LRRC9: variants seen among roughly 807,000 people sequenced by gnomAD.
LRRC9 encodes leucine rich repeat containing 9.
In LRRC9, 122 loss-of-function variants were observed where a neutral mutation model predicts 63.2. The ratio of observed to expected loss-of-function variants is 1.93; its 90% confidence interval spans 1.67 to 2.24. The LOEUF is 2.24. LRRC9 is among the 30% of genes most tolerant of loss of function. The pLI is 0.00. For missense variants in LRRC9, 1,071 were observed against 627.7 expected (o/e 1.71, Z -7.55); for synonymous variants, 366 against 213.1 (o/e 1.72, Z -6.25).
At chr14:59,998,371 A>G (rs1889015662) in intron 18 of LRRC9, among the ~76,000 whole-genome samples, 1 of 152,040 alleles carries the variant, frequency 6.6e-6, no homozygotes, top group Non-Finnish European at 1.5e-5. Flanking sequence ...TTGCATTATA[A>G]AGTCTTATGT....
Position 60,060,120 on chromosome 14 carries a change from T to C in LRRC9, c.4276+2098T>C, listed in dbSNP as rs1413266491. On this transcript the variant is annotated intron_variant, in intron 31 of 31. Coordinates refer to ENST00000445360, the Ensembl canonical transcript of LRRC9. The surrounding 1 kb of genome is among the most constrained non-coding windows in gnomAD (Gnocchi z 4.0). ...AAACTCCTAGGGCTCTTAAGAATTA[T>C]GCTAAATCTACTTTGTCTATGCTCT... Among the ~76,000 whole-genome samples, 1 of 152,234 alleles carries C rather than the reference T, an allele frequency of 6.6e-6. No homozygotes were observed. The highest frequency in any genetic ancestry group is 1.5e-5 in the Non-Finnish European group (1 of 68,040).
intron 26 of LRRC9, among the ~76,000 whole-genome samples, chr14:60,020,561 A>T (rs889629833): frequency 6.6e-6 from 1 of 151,956 alleles, no homozygotes. Context: ...TTGTATAATC[A>T]TGACTGCAAT....
intron 29 of LRRC9, among the ~76,000 whole-genome samples, chr14:60,047,944 T>C (rs1434838543): frequency 6.6e-6 from 1 of 152,188 alleles, no homozygotes; most frequent in Admixed American, 6.5e-5. Context: ...ACAAACAGTC[T>C]CTCAAATCAC....
intron 29 of LRRC9, among the ~76,000 whole-genome samples, chr14:60,040,845 T>C (rs1324723332): frequency 2.0e-5 from 3 of 152,022 alleles, no homozygotes; most frequent in Non-Finnish European, 4.4e-5. Flanking sequence ...ATGCTGTTTC[T>C]TCCTAGTATT....
intron 30 of LRRC9, chr14:60,054,115 C>T: frequency 3.3e-6 from 1 of 304,622 alleles, no homozygotes; most frequent in African/African-American, 2.2e-5. Flanking sequence ...GACTACCATA[C>T]ATACTCTCCT....
rs1289823829 is a variant in LRRC9 at position 59,922,352 on chromosome 14, T to A, written c.-34+2469T>A. Among the ~76,000 whole-genome samples, 1 of 152,204 alleles carries A rather than the reference T, an allele frequency of 6.6e-6. No homozygotes were observed. The highest frequency in any genetic ancestry group is 2.4e-5 in the African/African-American group (1 of 41,454). On this transcript the variant is annotated intron_variant, in intron 1 of 31. Transcript: ENST00000445360. The surrounding 1 kb of genome is among the most constrained non-coding windows in gnomAD (Gnocchi z 5.3). ...GTCCAGATGGCAGTGAATCCAGGAC[T>A]GAAAGCAGGTAGTGATGTGTTGCTA...
chr14:60,030,898 G>A (rs1040057781), intron 28 of LRRC9, among the ~76,000 whole-genome samples: 1 of 151,988 alleles, frequency 6.6e-6, no homozygotes, highest in African/African-American at 2.4e-5. Flanking sequence ...GGACATATTA[G>A]TTTCCCTGAT....
At chr14:59,989,939 T>C (rs1490791314) in intron 17 of LRRC9, among the ~76,000 whole-genome samples, 2 of 151,734 alleles carry the variant, frequency 1.3e-5, no homozygotes, top group Non-Finnish European at 2.9e-5. Context: ...TTTTTTTTTT[T>C]TTTTTGAGAC....
intron 1 of LRRC9, among the ~76,000 whole-genome samples, chr14:59,925,104 T>C (rs1889100420): frequency 6.6e-6 from 1 of 152,124 alleles, no homozygotes; most frequent in Non-Finnish European, 1.5e-5. Flanking sequence ...AATATGAATA[T>C]TAACAAAGAG....
At chr14:60,022,559 G>T (rs1018483724) in intron 26 of LRRC9, among the ~76,000 whole-genome samples, 175 bp from the exon 27 acceptor site, 2 of 151,544 alleles carry the variant, frequency 1.3e-5, no homozygotes, top group Non-Finnish European at 3.0e-5. Context: ...TCTTTTTAAA[G>T]AATAAGTATT....
Position 59,978,016 on chromosome 14 carries a change from G to T in LRRC9, c.1763-1G>T. ...TTTGCTTGTTTTTGCTTTTACTCTA[G>T]ATTCTGTCATGGGACAAAGAAACTG... On this transcript the variant is annotated splice_acceptor_variant, in intron 14 of 31. Coordinates refer to ENST00000445360, the Ensembl canonical transcript of LRRC9. LOFTEE classifies it high-confidence loss of function. 1.4e-6 allele frequency: 1 copy of T among 697,116 alleles called. No individual in the cohort carries two copies. The highest frequency in any genetic ancestry group is 1.5e-5 in the South Asian group (1 of 66,702). 43.2% of individuals were successfully genotyped at this position (697,116 alleles called of 1,614,324 possible).
At chr14:60,049,246 C>T (rs768734031) in intron 29 of LRRC9, among the ~76,000 whole-genome samples, 2 of 152,064 alleles carry the variant, frequency 1.3e-5, no homozygotes, top group Non-Finnish European at 2.9e-5. Flanking sequence ...GACATCTAGA[C>T]CATTTGCGTT....
At chr14:60,026,399 T>C (rs1362032652) in intron 27 of LRRC9, among the ~76,000 whole-genome samples, 1 of 152,130 alleles carries the variant, frequency 6.6e-6, no homozygotes, top group Non-Finnish European at 1.5e-5. Flanking sequence ...CATTTGTATT[T>C]CTTCTTTTGA....
chr14:60,025,292 G>C (rs1891454136), intron 27 of LRRC9, among the ~76,000 whole-genome samples: 1 of 150,802 alleles, frequency 6.6e-6, no homozygotes, highest in Admixed American at 6.6e-5. Context: ...TTTTGATAAG[G>C]GGTCTCAATT....
chr14:59,994,392 A>T lies in LRRC9; in HGVS notation c.2212-3264A>T, dbSNP rs1270621065. On this transcript the variant is annotated intron_variant, in intron 17 of 31. Coordinates refer to ENST00000445360, the Ensembl canonical transcript of LRRC9. ...GCTGGAGAGGATATGGAGAAATAGG[A>T]ACACTTTTACACTGTTGGTGGGACT... Among the ~76,000 whole-genome samples, 5 of 152,326 alleles carry T rather than the reference A, an allele frequency of 3.3e-5. No homozygotes were observed. The East Asian group carries it at 9.6e-4, about 29-fold the overall frequency.
At chr14:59,994,474 C>T (rs1386439210) in intron 17 of LRRC9, among the ~76,000 whole-genome samples, 2 of 151,916 alleles carry the variant, frequency 1.3e-5, no homozygotes, top group African/African-American at 4.9e-5. Flanking sequence ...GGATCTAGAA[C>T]TAGAAATACC....
intron 7 of LRRC9, among the ~76,000 whole-genome samples, chr14:59,943,994 A>G (rs1025379316): frequency 6.6e-6 from 1 of 151,990 alleles, no homozygotes; most frequent in African/African-American, 2.4e-5. Flanking sequence ...GCTGTTGCAT[A>G]TCTTAATTAT....
chr14:59,993,722 T>C (rs1052601297), intron 17 of LRRC9, among the ~76,000 whole-genome samples: 2 of 152,154 alleles, frequency 1.3e-5, no homozygotes, highest in Non-Finnish European at 2.9e-5. Context: ...AAGAAGGCCA[T>C]TACAGAATGG....
At chr14:59,954,261 C>G (rs1883488682) in intron 8 of LRRC9, among the ~76,000 whole-genome samples, 1 of 152,120 alleles carries the variant, frequency 6.6e-6, no homozygotes, top group Non-Finnish European at 1.5e-5. Flanking sequence ...GGAGTATGAC[C>G]ATTTTCACGA....
Sources: gnomAD v4.1 joint callset for allele counts (sites outside exome capture counted in the v4.1 genomes callset) on GRCh38, gnomAD v4.1.1 for gene constraint, Gnocchi (gnomAD v3.1) non-coding constraint, MANE v1.5 for transcripts, NCBI Gene and HGNC (gene_info 2026-07-23, HGNC 2026-07-21) for gene names.